BCCIP: variants seen among roughly 807,000 people sequenced by gnomAD.
BCCIP encodes the protein BRCA2 and CDKN1A-interacting protein.
In BCCIP, 23 loss-of-function variants were observed where a neutral mutation model predicts 32.8. That is an observed-to-expected ratio of 0.70 (90% CI 0.51 to 0.99). The LOEUF is 0.99. Among genes scored for constraint, BCCIP ranks in the 50% least tolerant of loss-of-function variants. The pLI is 0.00. For missense variants in BCCIP, 378 were observed against 379.8 expected, an observed-to-expected ratio of 1.00 and a Z score of 0.04; for synonymous variants, 144 against 137.6, an observed-to-expected ratio of 1.05 and a Z score of -0.33.
chr10:125,827,408 T>C (rs927148029), intron 2 of BCCIP, 150 bp from the exon 3 acceptor site: 1 of 531,532 alleles, frequency 1.9e-6, no homozygotes, highest in African/African-American at 2.0e-5. Flanking sequence ...TCTTTGACTC[T>C]CCTGGGCTTT....
chr10:125,833,988 T>A lies in BCCIP; in HGVS notation c.774+42T>A, dbSNP rs754803362. 4.4e-6 allele frequency: 7 copies of A among 1,592,840 alleles called. No individual in the cohort carries two copies. In the Admixed American group the frequency reaches 1.2e-4, roughly 27 times the overall value. The stretch of plus-strand genomic sequence containing the variant: ...TATTTGTTTAGATGTAAATAAGGAT[T>A]TTCTTGAAAATGATTTATCAAGATT... On this transcript the variant is annotated intron_variant, in intron 6 of 6. Coordinates refer to ENST00000278100, the MANE Select transcript of BCCIP (RefSeq NM_078468.3).
intron 7 of BCCIP, among the ~76,000 whole-genome samples, chr10:125,850,922 G>A (rs1024502055): frequency 6.6e-6 from 1 of 152,168 alleles, no homozygotes; most frequent in South Asian, 2.1e-4. Flanking sequence ...GCAGTCTCAG[G>A]CCATCTGTTT....
At chr10:125,853,220 A>G (rs1318064924) in exon 8 of BCCIP, 19 of 1,611,350 alleles carry the variant, frequency 1.2e-5, no homozygotes, top group Non-Finnish European at 1.5e-5. Flanking sequence ...AACCTTCATG[A>G]CTGTTGGAAT....
chr10:125,831,339 A>G, intron 4 of BCCIP, 81 bp from the exon 5 acceptor site: 1 of 1,407,706 alleles, frequency 7.1e-7, no homozygotes. Context: ...TGTAAGATGA[A>G]AAGTGATAGC....
At chr10:125,851,329 C>A (rs1394838114) in intron 7 of BCCIP, among the ~76,000 whole-genome samples, 1 of 152,148 alleles carries the variant, frequency 6.6e-6, no homozygotes. Flanking sequence ...TTACCCTAAC[C>A]CTTTTGTCCC....
intron 3 of BCCIP, among the ~76,000 whole-genome samples, chr10:125,828,531 A>G (rs1422601065): frequency 1.3e-5 from 2 of 152,200 alleles, no homozygotes; most frequent in Non-Finnish European, 2.9e-5. Context: ...ACAATAGTGC[A>G]GTGATGTCAT....
chr10:125,843,269 T>C (rs1854930290), downstream of BCCIP, among the ~76,000 whole-genome samples: 3 of 152,090 alleles, frequency 2.0e-5, no homozygotes, highest in Admixed American at 2.0e-4. Flanking sequence ...GAGTTCAAAG[T>C]AACATATGGT....
At chr10:125,847,797 G>A (rs1436646636), downstream of BCCIP, among the ~76,000 whole-genome samples, 1 of 152,176 alleles carries the variant, frequency 6.6e-6, no homozygotes, top group Admixed American at 6.5e-5. Flanking sequence ...AGATCATCAG[G>A]CATTAGATTC....
intron 5 of BCCIP, among the ~76,000 whole-genome samples, chr10:125,833,554 TGA>T (rs34139901): frequency 0.12 from 18,815 of 152,254 alleles, 1,647 homozygotes; most frequent in Admixed American, 0.3. Flanking sequence ...CAGCATAATC[TGA>T]GAGATATATC....
At chr10:125,848,766 A>C (rs1406270165) in intron 7 of BCCIP, among the ~76,000 whole-genome samples, 1 of 152,158 alleles carries the variant, frequency 6.6e-6, no homozygotes, top group Non-Finnish European at 1.5e-5. Flanking sequence ...GGTAGGAGTC[A>C]CTCAGACGAT....
chr10:125,838,471 A>G, downstream of BCCIP: 1 of 1,269,404 alleles, frequency 7.9e-7, no homozygotes, highest in Non-Finnish European at 1.1e-6. Context: ...AAAAATACCA[A>G]AGTATTTTAT....
At chr10:125,842,025 C>A in exon 7 of BCCIP, 1 of 1,385,656 alleles carries the variant, frequency 7.2e-7, no homozygotes, top group South Asian at 1.7e-5. Flanking sequence ...ATGAAACAAG[C>A]AAACAATGGA....
downstream of BCCIP, chr10:125,836,697 G>T (rs374910849): frequency 5.0e-6 from 8 of 1,614,014 alleles, no homozygotes; most frequent in African/African-American, 1.1e-4. Context: ...TCACTGGAGA[G>T]TGCATCTCTG....
At chr10:125,832,326 C>T (rs945568436) in intron 5 of BCCIP, among the ~76,000 whole-genome samples, 7 of 152,046 alleles carry the variant, frequency 4.6e-5, no homozygotes, top group Admixed American at 3.3e-4. Flanking sequence ...GTGTCAGTCA[C>T]AGCACTTGAC....
downstream of BCCIP, chr10:125,841,490 C>A: frequency 2.1e-6 from 3 of 1,454,128 alleles, no homozygotes; most frequent in South Asian, 3.1e-5. Context: ...CAAAAGAAAT[C>A]TAGTATGTTT....
downstream of BCCIP, chr10:125,839,027 C>G (rs772175482): frequency 1.9e-6 from 3 of 1,614,046 alleles, no homozygotes; most frequent in South Asian, 3.3e-5. Flanking sequence ...GACAGAAGAG[C>G]TTTCTTTATG....
downstream of BCCIP, among the ~76,000 whole-genome samples, chr10:125,845,687 T>C (rs1944008004): frequency 6.6e-6 from 1 of 152,194 alleles, no homozygotes; most frequent in African/African-American, 2.4e-5. Flanking sequence ...TAGAGTGGCC[T>C]CCATGGTAAA....
chr10:125,843,377 G>A (rs1483480627), downstream of BCCIP, among the ~76,000 whole-genome samples: 3 of 152,114 alleles, frequency 2.0e-5, no homozygotes, highest in Admixed American at 6.5e-5. Context: ...TTGGGAGGCC[G>A]AGGCGGGAGG....
downstream of BCCIP, chr10:125,836,958 A>G: frequency 1.0e-6 from 1 of 952,858 alleles, no homozygotes. Context: ...ATCTACCTGT[A>G]GAACCGGTAT....
Sources: allele counts gnomAD v4.1 joint callset (sites outside exome capture counted in the v4.1 genomes callset), GRCh38; gene constraint gnomAD v4.1.1; transcripts MANE v1.5; gene names NCBI Gene and HGNC (gene_info 2026-07-23, HGNC 2026-07-21).